Variants in SLC25A24 observed in about 807,000 individuals in gnomAD.
The protein encoded by SLC25A24 is solute carrier family 25 member 24.
In SLC25A24, 49 loss-of-function variants were observed where a neutral mutation model predicts 60.7. That is an observed-to-expected ratio of 0.81 (90% CI 0.64 to 1.02). The LOEUF (loss-of-function observed/expected upper bound fraction) is 1.02. SLC25A24 is among the 50% of genes least tolerant of loss of function. SLC25A24 has a pLI of 0.00. For missense variants in SLC25A24, 564 were observed against 586.3 expected, an observed-to-expected ratio of 0.96 and a Z score of 0.39; for synonymous variants, 202 against 200.6, an observed-to-expected ratio of 1.01 and a Z score of -0.06.
intron 8 of SLC25A24, among the ~76,000 whole-genome samples, chr1:108,141,961 C>CTGTACTA (rs768440503): frequency 8.5e-5 from 13 of 152,158 alleles, no homozygotes; most frequent in Admixed American, 2.0e-4. Context: ...TTAACACTTA[C>CTGTACTA]TGTACTATAT....
At chr1:108,170,378 T>C (rs1385944773) in intron 3 of SLC25A24, among the ~76,000 whole-genome samples, 2 of 152,188 alleles carry the variant, frequency 1.3e-5, no homozygotes, top group Non-Finnish European at 2.9e-5. Flanking sequence ...CTTTATGGCC[T>C]ACTATGAAAT....
chr1:108,199,907 G>A (rs1437620448), intron 1 of SLC25A24, 49 bp downstream of exon 1: 3 of 1,471,746 alleles, frequency 2.0e-6, no homozygotes, highest in Non-Finnish European at 1.9e-6. Context: ...AGTGTCCCCA[G>A]CGCCCGCAGC....
At chr1:108,160,979 G>A (rs1378601429) in intron 4 of SLC25A24, among the ~76,000 whole-genome samples, 2 of 151,892 alleles carry the variant, frequency 1.3e-5, no homozygotes, top group Non-Finnish European at 2.9e-5. Context: ...GGGGGAGAGA[G>A]AGGGAGAGGG....
rs566157263 is a variant in SLC25A24 at position 108,145,477 on chromosome 1, G to A, written c.931-1767C>T. On this transcript the variant is annotated intron_variant, in intron 7 of 9. Transcript: ENST00000565488. ...ATTGCTTTTGTGATTCAGTCATGAA[G>A]TCTTTGTCCATGCCTGTGTCCTGAA... Among the ~76,000 whole-genome samples, 32 of 152,240 alleles carry A rather than the reference G, an allele frequency of 2.1e-4. No homozygotes were observed. The South Asian group carries it at 6.6e-3, about 32-fold the overall frequency.
chr1:108,183,631 T>C (rs1401018480), intron 2 of SLC25A24, among the ~76,000 whole-genome samples: 2 of 152,224 alleles, frequency 1.3e-5, no homozygotes, highest in Non-Finnish European at 2.9e-5. Context: ...ATCAAACGCA[T>C]ATATTTTCTC....
intron 4 of SLC25A24, among the ~76,000 whole-genome samples, chr1:108,158,280 G>A (rs1679958211): frequency 6.6e-6 from 1 of 152,080 alleles, no homozygotes; most frequent in African/African-American, 2.4e-5. Flanking sequence ...ACTATAGTTT[G>A]AGAGAAACAA....
chr1:108,174,204 G>A (rs547074669), intron 3 of SLC25A24, among the ~76,000 whole-genome samples: 1 of 152,118 alleles, frequency 6.6e-6, no homozygotes, highest in South Asian at 2.1e-4. Flanking sequence ...AGAGGCCCAG[G>A]AGGAAAAAAT....
In SLC25A24 at chr1:108,160,643, A is replaced by ACCCCAG. The variant is rs1680044471; in HGVS notation, c.510+533_510+538dup. On this transcript the variant is annotated intron_variant, in intron 4 of 9. Transcript: ENST00000565488. ...TAGCGAGCCGAGATCATGCCACTGC[A>ACCCCAG]CCCCAGCCTGGGCACCATTGAGCAC... 3.3e-5 allele frequency among the ~76,000 whole-genome samples: 5 copies of ACCCCAG among 152,282 alleles called. No individual in the cohort carries two copies. The South Asian group carries it at 8.3e-4, about 25-fold the overall frequency.
Position 108,161,948 on chromosome 1 carries a change from C to A in SLC25A24, c.399-655G>T, listed in dbSNP as rs1043798087. 1.6e-4 allele frequency among the ~76,000 whole-genome samples: 20 copies of A among 123,618 alleles called. 2 individuals are homozygous for A. The highest frequency in any genetic ancestry group is 5.6e-4 in the African/African-American group (19 of 34,068). 81.1% of individuals were successfully genotyped at this position (123,618 alleles called of 152,430 possible). A position where few individuals can be genotyped will look rare whatever the true frequency, so the allele number is the denominator to read the frequency against. On this transcript the variant is annotated intron_variant, in intron 3 of 9. Coordinates refer to ENST00000565488, the MANE Select transcript of SLC25A24 (RefSeq NM_013386.5). Reference sequence around the variant, plus strand: ...ATCTCCCAATGCCATCCCTCCCCCTCCCCCCACCCCACAACAGTCCCCAGA... The same window carrying A: ...ATCTCCCAATGCCATCCCTCCCCCTACCCCCACCCCACAACAGTCCCCAGA...
At chr1:108,176,875 G>C (rs1008829178) in intron 3 of SLC25A24, among the ~76,000 whole-genome samples, 1 of 152,080 alleles carries the variant, frequency 6.6e-6, no homozygotes, top group African/African-American at 2.4e-5. Context: ...CGTAAAAGGA[G>C]CTCCTCAAGC....
intron 2 of SLC25A24, among the ~76,000 whole-genome samples, chr1:108,184,857 G>C (rs1648063063): frequency 6.6e-6 from 1 of 152,122 alleles, no homozygotes; most frequent in Non-Finnish European, 1.5e-5. Context: ...TGTTTAACCT[G>C]TTTCTTTAAT....
At chr1:108,177,886 C>T (rs950789381) in intron 3 of SLC25A24, among the ~76,000 whole-genome samples, 1 of 152,066 alleles carries the variant, frequency 6.6e-6, no homozygotes, top group African/African-American at 2.4e-5. Flanking sequence ...AAACATTGGC[C>T]AGGGGTGGTG....
intron 6 of SLC25A24, 115 bp from the exon 7 acceptor site, chr1:108,148,501 G>T: frequency 3.0e-6 from 2 of 666,026 alleles, no homozygotes; most frequent in African/African-American, 1.8e-5. Flanking sequence ...AGGAGATGAG[G>T]CTTCTGGAGG....
At chr1:108,156,831 TCCC>T (rs1283318656) in intron 5 of SLC25A24, among the ~76,000 whole-genome samples, 7 of 152,112 alleles carry the variant, frequency 4.6e-5, no homozygotes, top group Non-Finnish European at 4.4e-5. Flanking sequence ...GATACTGCAT[TCCC>T]CCTCTCATTT....
At chr1:108,183,938 G>A (rs543570596) in intron 2 of SLC25A24, among the ~76,000 whole-genome samples, 3 of 152,222 alleles carry the variant, frequency 2.0e-5, no homozygotes, top group African/African-American at 7.2e-5. Context: ...ATATTTTGGG[G>A]TTACTTTGGG....
At chr1:108,180,774 AC>A (rs1647898540) in intron 3 of SLC25A24, among the ~76,000 whole-genome samples, 1 of 152,064 alleles carries the variant, frequency 6.6e-6, no homozygotes, top group Non-Finnish European at 1.5e-5. Context: ...CAGCTCCCAG[AC>A]CTGTGAAAAA....
chr1:108,179,574 G>A (rs1458021409), intron 3 of SLC25A24, among the ~76,000 whole-genome samples: 3 of 151,652 alleles, frequency 2.0e-5, no homozygotes, highest in African/African-American at 7.3e-5. Context: ...AAAACTATTC[G>A]GCCATTAAAA....
At chr1:108,185,286 T>G (rs1171624738) in intron 2 of SLC25A24, among the ~76,000 whole-genome samples, 3 of 152,172 alleles carry the variant, frequency 2.0e-5, no homozygotes, top group Non-Finnish European at 4.4e-5. Context: ...AATCGAAATA[T>G]AGAAGTCATA....
chr1:108,177,379 C>A (rs1402562966), intron 3 of SLC25A24, among the ~76,000 whole-genome samples: 2 of 151,872 alleles, frequency 1.3e-5, no homozygotes, highest in African/African-American at 4.8e-5. Flanking sequence ...AACCATGAAA[C>A]AATAAGCAAA....
Sources: gnomAD v4.1 joint callset for allele counts (sites outside exome capture counted in the v4.1 genomes callset) on GRCh38, gnomAD v4.1.1 for gene constraint, MANE v1.5 for transcripts, NCBI Gene and HGNC (gene_info 2026-07-23, HGNC 2026-07-21) for gene names.